ATXN10: variants seen among roughly 807,000 people sequenced by gnomAD.
ATXN10 encodes ataxin-10.
In ATXN10, 28 loss-of-function variants were observed where a neutral mutation model predicts 52.9. The ratio of observed to expected loss-of-function variants is 0.53; its 90% CI spans 0.39 to 0.73. The LOEUF (loss-of-function observed/expected upper bound fraction) is 0.73. Among genes scored for constraint, ATXN10 ranks in the 30% least tolerant of loss-of-function variants. The pLI, the probability that ATXN10 is intolerant of heterozygous loss-of-function variation, is 0.00. For missense variants in ATXN10, 565 were observed against 577.0 expected (o/e 0.98, Z 0.21); for synonymous variants, 226 against 221.5 (o/e 1.02, Z -0.18).
intron 9 of ATXN10, among the ~76,000 whole-genome samples, chr22:45,755,344 C>T (rs917747243): frequency 1.3e-5 from 2 of 152,140 alleles, no homozygotes; most frequent in African/African-American, 4.8e-5. Context: ...ATGTTTTAAG[C>T]CCTCATCCTT....
At chr22:45,689,212 A>G (rs976612169) in intron 1 of ATXN10, among the ~76,000 whole-genome samples, 1 of 152,206 alleles carries the variant, frequency 6.6e-6, no homozygotes, top group Non-Finnish European at 1.5e-5. Flanking sequence ...GAACTTAGCT[A>G]CATATTGGGT....
chr22:45,745,345 C>T (rs1490193044), intron 9 of ATXN10, among the ~76,000 whole-genome samples: 1 of 152,108 alleles, frequency 6.6e-6, no homozygotes, highest in African/African-American at 2.4e-5. Context: ...GTTTATCTAC[C>T]TTCCGCCCGC....
chr22:45,739,223 C>T (rs1480497080), intron 8 of ATXN10, among the ~76,000 whole-genome samples: 3 of 152,158 alleles, frequency 2.0e-5, no homozygotes, highest in Non-Finnish European at 2.9e-5. Context: ...TTCCCATTTA[C>T]ATTTAGTGAA....
rs1317092077 is a variant in ATXN10, at chr22:45,677,736, G to A, written c.116+5557G>A. 6.6e-6 allele frequency: 1 copy of A among 152,148 alleles called. No homozygotes were observed. Among genetic ancestry groups the A allele is most frequent in the Non-Finnish European group, 1.5e-5 (1 of 68,030 alleles). The allele number at this position is 152,148 out of a possible 1,614,324, so 9.4% of individuals were successfully genotyped here. ...GTGCTCCAAATCACTAGTTATTAGG[G>A]AAATGCAGTTAAAACTTCAGTGAGA... On this transcript the variant is annotated intron_variant, in intron 1 of 11. Transcript: ENST00000252934. This position sits in a 1 kb window ranked among gnomAD's most constrained non-coding sequence, Gnocchi z 4.1.
rs1486552261 is a variant in ATXN10, at chr22:45,795,737, G to T, written c.1174-11222G>T. 6.6e-6 allele frequency among the ~76,000 whole-genome samples: 1 copy of T among 152,122 alleles called. No individual in the cohort carries two copies. Among genetic ancestry groups the T allele is most frequent in the Non-Finnish European group, 1.5e-5 (1 of 68,014 alleles). ...ATAATGTCTTACACCTGTCTTTACT[G>T]CAGTCTCTGAACATAAATTGTGAAG... On this transcript the variant is annotated intron_variant, in intron 9 of 11. Transcript: ENST00000252934. The surrounding 1 kb of genome is among the most constrained non-coding windows in gnomAD (Gnocchi z 4.6).
rs1038608750 is a variant in ATXN10, at chr22:45,844,906, A to G, written c.*1235A>G. 2.6e-5 allele frequency: 4 copies of G among 152,270 alleles called. No individual in the cohort carries two copies. The highest frequency in any genetic ancestry group is 9.6e-5 in the African/African-American group (4 of 41,474). 9.4% of individuals were successfully genotyped at this position (152,270 alleles called of 1,614,324 possible). A position where few individuals can be genotyped will look rare whatever the true frequency, so the allele number is the denominator to read the frequency against. Reference sequence around the variant, plus strand: ...ACTGATTTGTAAAAATAGCTTAAGCATGTTGAGAATGAAGTAAAAGTTTTC... The same window carrying G: ...ACTGATTTGTAAAAATAGCTTAAGCGTGTTGAGAATGAAGTAAAAGTTTTC... On this transcript the variant is annotated 3_prime_UTR_variant, in exon 12 of 12. Coordinates refer to ENST00000252934, the MANE Select transcript of ATXN10 (RefSeq NM_013236.4).
At position 45,718,497 on chromosome 22, in the gene ATXN10, AC is replaced by A. The variant is rs777883899; in HGVS notation, c.728+10del. 1 of 1,612,370 alleles carries A rather than the reference AC, an allele frequency of 6.2e-7. No individual in the cohort carries two copies. The highest frequency in any genetic ancestry group is 8.5e-7 in the Non-Finnish European group (1 of 1,178,480). Reference sequence around the variant, plus strand: ...CCAAACTGAACAATCAAGAAAGGTAACCCCCCAACCAGCGTGGTCTGGAGTA... The same window carrying A: ...CCAAACTGAACAATCAAGAAAGGTAACCCCCAACCAGCGTGGTCTGGAGTA... On this transcript the variant is annotated splice_donor_5th_base_variant and intron_variant, in intron 6 of 11. Coordinates refer to ENST00000252934, the MANE Select transcript of ATXN10 (RefSeq NM_013236.4). This position sits in a 1 kb window ranked among gnomAD's most constrained non-coding sequence, Gnocchi z 4.4.
At position 45,727,975 on chromosome 22, in the gene ATXN10, C is replaced by T. The variant is rs192349761; in HGVS notation, c.729-1450C>T. Among the ~76,000 whole-genome samples, 1 of 151,252 alleles carries T rather than the reference C, an allele frequency of 6.6e-6. No individual in the cohort carries two copies. ...CCTTTACTTTGATTCTGTAAGATTC[C>T]TTATGTTTTAGGTGAGTCTCTTGAA... On this transcript the variant is annotated intron_variant, in intron 6 of 11. Transcript: ENST00000252934. The surrounding 1 kb of genome is among the most constrained non-coding windows in gnomAD (Gnocchi z 4.6).
intron 10 of ATXN10, among the ~76,000 whole-genome samples, chr22:45,832,580 G>A (rs986237562): frequency 9.9e-5 from 15 of 152,246 alleles, no homozygotes; most frequent in African/African-American, 3.6e-4. Context: ...CAAGGGCAGG[G>A]ACTGGACTAT....
chr22:45,710,503 A>G (rs1269036028), intron 5 of ATXN10, among the ~76,000 whole-genome samples: 1 of 152,196 alleles, frequency 6.6e-6, no homozygotes, highest in Non-Finnish European at 1.5e-5. Flanking sequence ...ATCGAACATT[A>G]TACAAATCTT....
intron 9 of ATXN10, among the ~76,000 whole-genome samples, chr22:45,752,790 G>A (rs545442648): frequency 6.6e-6 from 1 of 151,934 alleles, no homozygotes; most frequent in Non-Finnish European, 1.5e-5. Flanking sequence ...CAAGGCTGGA[G>A]TGCAATGGTG....
Position 45,738,758 on chromosome 22 carries a change from G to A in ATXN10, c.922G>A (p.Asp308Asn), listed in dbSNP as rs1042452273. The change falls in exon 8 of 12, where the codon GAC (aspartate) becomes AAC (asparagine). Residue 308 changes from aspartate to asparagine, a missense_variant. Coordinates refer to ENST00000252934, the MANE Select transcript of ATXN10 (RefSeq NM_013236.4). ...EEALATIRLL[D>N]VLCEMTVNTE... ...GGCACTGGCTACAATTAGGCTTCTC[G>A]ACGTCCTGTGCGAAATGACTGTGAA... 6.2e-6 allele frequency: 10 copies of A among 1,613,800 alleles called. No individual in the cohort carries two copies. The highest frequency in any genetic ancestry group is 1.1e-5 in the South Asian group (1 of 91,056).
chr22:45,738,332 G>A (rs1261269444), intron 7 of ATXN10: 5 of 176,468 alleles, frequency 2.8e-5, no homozygotes, highest in Admixed American at 1.7e-4. Flanking sequence ...TGGGATATTT[G>A]TATCTTTAAA....
At chr22:45,737,365 C>G (rs923833900) in intron 7 of ATXN10, among the ~76,000 whole-genome samples, 3 of 152,154 alleles carry the variant, frequency 2.0e-5, no homozygotes, top group African/African-American at 7.2e-5. Context: ...CTCACGATAA[C>G]AATCTGGGCA....
At chr22:45,706,482 G>A (rs1924045689) in intron 5 of ATXN10, among the ~76,000 whole-genome samples, 1 of 152,178 alleles carries the variant, frequency 6.6e-6, no homozygotes, top group East Asian at 1.9e-4. Context: ...TTCTCAAGAT[G>A]GAAGGTTAGG....
rs535447696 is a variant in ATXN10, at chr22:45,709,778, G to A, written c.647+6931G>A. 3.4e-4 allele frequency among the ~76,000 whole-genome samples: 52 copies of A among 152,286 alleles called. No individual in the cohort carries two copies. The South Asian group carries it at 0.011, about 31-fold the overall frequency. ...TGTGCTTCTAATTGGCATCTGAAATGTATGAAGGCTGCGTCCAAACTTTTG... is the reference window on the plus strand; with the variant it reads ...TGTGCTTCTAATTGGCATCTGAAATATATGAAGGCTGCGTCCAAACTTTTG... On this transcript the variant is annotated intron_variant, in intron 5 of 11. Coordinates refer to ENST00000252934, the MANE Select transcript of ATXN10 (RefSeq NM_013236.4).
intron 9 of ATXN10, among the ~76,000 whole-genome samples, chr22:45,752,882 C>T (rs929228116): frequency 5.9e-5 from 9 of 151,904 alleles, no homozygotes; most frequent in African/African-American, 1.7e-4. Context: ...TACAGGCATG[C>T]GCCACCATGC....
chr22:45,822,863 G>A (rs571640576), intron 10 of ATXN10, among the ~76,000 whole-genome samples: 2 of 152,100 alleles, frequency 1.3e-5, no homozygotes, highest in Admixed American at 1.3e-4. Flanking sequence ...GTGATTTTTG[G>A]CTATTTGGAT....
At chr22:45,700,940 TC>T (rs1923819064) in intron 4 of ATXN10, among the ~76,000 whole-genome samples, 1 of 152,188 alleles carries the variant, frequency 6.6e-6, no homozygotes, top group South Asian at 2.1e-4. Context: ...TCCATTTGTC[TC>T]GATTGGATCC....
Sources: gnomAD v4.1 joint callset for allele counts (sites outside exome capture counted in the v4.1 genomes callset) on GRCh38, gnomAD v4.1.1 for gene constraint, Gnocchi (gnomAD v3.1) non-coding constraint, MANE v1.5 for transcripts, NCBI Gene and HGNC (gene_info 2026-07-23, HGNC 2026-07-21) for gene names.